The following LMF1 variants were observed in gnomAD, a reference collection of about 807,000 sequenced individuals.
LMF1 encodes the protein transmembrane protein 112.
A neutral mutation model predicts 60.6 loss-of-function variants in LMF1; 68 were observed. The observed-to-expected ratio is 1.12, with a 90% CI of 0.92 to 1.37. LMF1 has a LOEUF of 1.37. LMF1 is among the 40% of genes most tolerant of loss of function. LMF1 has a pLI of 0.00. For synonymous variants in LMF1, 418 were observed against 324.7 expected (o/e 1.29, Z -3.09); for missense variants, 948 against 767.2 (o/e 1.24, Z -2.78).
Position 857,132 on chromosome 16 carries a change from CGT to C in LMF1, c.1530-2428_1530-2427del, listed in dbSNP as rs575886223. ...CCTCGTCGCTGACCGGCGTCTGCGG[CGT>C]GAGTGCACCCTAGTTTGTGCGGTCG... is the stretch of plus-strand genomic sequence containing the variant. On this transcript the variant is annotated intron_variant, in intron 10 of 10. Coordinates refer to ENST00000262301, the MANE Select transcript of LMF1 (RefSeq NM_022773.4). 1.5e-3 allele frequency among the ~76,000 whole-genome samples: 233 copies of C among 152,386 alleles called. 1 individual carries two copies. The highest frequency in any genetic ancestry group is 5.3e-3 in the African/African-American group (220 of 41,590).
chr16:930,511 C>A (rs1366068444), intron 3 of LMF1, among the ~76,000 whole-genome samples: 1 of 151,996 alleles, frequency 6.6e-6, no homozygotes, highest in Non-Finnish European at 1.5e-5. Flanking sequence ...TGAGATTGCA[C>A]CACTGCACTC....
chr16:882,108 T>C (rs1000052884), intron 5 of LMF1, among the ~76,000 whole-genome samples: 1 of 152,192 alleles, frequency 6.6e-6, no homozygotes, highest in Non-Finnish European at 1.5e-5. Flanking sequence ...AGGGACACAG[T>C]GCGATGCCTT....
At chr16:871,536 C>A in intron 6 of LMF1, 195 bp from the exon 7 acceptor site, 1 of 604,674 alleles carries the variant, frequency 1.7e-6, no homozygotes, top group Non-Finnish European at 2.9e-6. Flanking sequence ...CTCAGAGGTG[C>A]CTTCCGGCAG....
intron 3 of LMF1, among the ~76,000 whole-genome samples, chr16:920,483 C>G (rs1366026777): frequency 6.6e-6 from 1 of 152,134 alleles, no homozygotes; most frequent in Non-Finnish European, 1.5e-5. Context: ...TGGCTGAGCT[C>G]AGCAGCAGAG....
At chr16:861,796 T>A (rs936156444) in intron 10 of LMF1, among the ~76,000 whole-genome samples, 7 of 152,226 alleles carry the variant, frequency 4.6e-5, no homozygotes, top group Admixed American at 2.0e-4. Flanking sequence ...CGTACTGCAG[T>A]GCCCAGCGCT....
chr16:972,384 C>T (rs922626506), upstream of LMF1, among the ~76,000 whole-genome samples: 12 of 152,328 alleles, frequency 7.9e-5, no homozygotes, highest in African/African-American at 1.9e-4. Context: ...CCTGAGGGCT[C>T]GGAGCCTTGG....
At chr16:963,158 C>T (rs549945923) in intron 1 of LMF1, among the ~76,000 whole-genome samples, 63 of 151,236 alleles carry the variant, frequency 4.2e-4, no homozygotes, top group Non-Finnish European at 7.2e-4. Context: ...AGAGGGGACT[C>T]GGGGTGGGTC....
Position 897,836 on chromosome 16 carries a change from T to C in LMF1, c.664-4764A>G, listed in dbSNP as rs2070706266. Among the ~76,000 whole-genome samples, 1 of 152,186 alleles carries C rather than the reference T, an allele frequency of 6.6e-6. No individual in the cohort carries two copies. The highest frequency in any genetic ancestry group is 1.5e-5 in the Non-Finnish European group (1 of 68,020). On this transcript the variant is annotated intron_variant, in intron 4 of 10. Transcript: ENST00000262301. The surrounding 1 kb of genome is among the most constrained non-coding windows in gnomAD (Gnocchi z 4.3). ...TGGCTCCGTGGCTTTCCTGTCTTCC[T>C]GGGATGGTTTCCGCACTTTCTTGCC...
At chr16:858,817 G>C (rs1220611840) in intron 10 of LMF1, among the ~76,000 whole-genome samples, 4 of 102,910 alleles carry the variant, frequency 3.9e-5, no homozygotes, top group African/African-American at 1.0e-4. Flanking sequence ...TCTCGGGACG[G>C]GTGTGAGTGG....
rs1265438612 is a variant in LMF1 at position 962,982 on chromosome 16, T to G, written c.193+7806A>C. Among the ~76,000 whole-genome samples, 2 of 151,958 alleles carry G rather than the reference T, an allele frequency of 1.3e-5. No individual in the cohort carries two copies. Among genetic ancestry groups the G allele is most frequent in the Non-Finnish European group, 2.9e-5 (2 of 67,990 alleles). On this transcript the variant is annotated intron_variant, in intron 1 of 10. Transcript: ENST00000262301. The surrounding 1 kb of genome is among the most constrained non-coding windows in gnomAD (Gnocchi z 4.5). ...GACGAAAGGGTCAGGGCTGGTGACC[T>G]CTAAAGGGGCTGCGACGGCAGGTGG...
intron 2 of LMF1, among the ~76,000 whole-genome samples, chr16:940,171 G>A (rs1221445179): frequency 6.6e-6 from 1 of 152,180 alleles, no homozygotes; most frequent in Admixed American, 6.5e-5. Context: ...GGAAGGGAAG[G>A]TCCCTCCTCC....
intron 5 of LMF1, among the ~76,000 whole-genome samples, chr16:885,571 G>A (rs981688503): frequency 2.6e-5 from 4 of 152,150 alleles, no homozygotes; most frequent in African/African-American, 9.7e-5. Flanking sequence ...CACGAGCGAC[G>A]AGAAGGCTGG....
intron 4 of LMF1, among the ~76,000 whole-genome samples, chr16:909,845 G>A (rs771296303): frequency 2.0e-5 from 3 of 152,248 alleles, no homozygotes; most frequent in Non-Finnish European, 4.4e-5. Context: ...GGAACGTTCC[G>A]GACTGAAGGA....
chr16:930,898 G>A (rs1179052048), intron 3 of LMF1, among the ~76,000 whole-genome samples: 1 of 152,126 alleles, frequency 6.6e-6, no homozygotes, highest in African/African-American at 2.4e-5. Flanking sequence ...AGGTGGGCGG[G>A]TTACCTGAGG....
intron 2 of LMF1, 122 bp downstream of exon 2, chr16:954,235 A>T: frequency 9.5e-7 from 1 of 1,048,246 alleles, no homozygotes; most frequent in Non-Finnish European, 1.4e-6. Context: ...AAATGACAAT[A>T]CCCTCCTGAA....
chr16:913,475 G>T (rs371058278), intron 3 of LMF1, among the ~76,000 whole-genome samples: 2 of 152,222 alleles, frequency 1.3e-5, no homozygotes, highest in Non-Finnish European at 2.9e-5. Context: ...CTGGCGCCTC[G>T]CCCGGTGCAC....
At chr16:959,483 A>G (rs1343716746) in intron 1 of LMF1, among the ~76,000 whole-genome samples, 3 of 152,216 alleles carry the variant, frequency 2.0e-5, no homozygotes, top group Non-Finnish European at 4.4e-5. Flanking sequence ...CAAAGCCCAC[A>G]GCACTGAGCA....
intron 10 of LMF1, among the ~76,000 whole-genome samples, chr16:865,357 C>A (rs925682443): frequency 6.6e-6 from 1 of 152,114 alleles, no homozygotes; most frequent in African/African-American, 2.4e-5. Context: ...CATGTCTTTT[C>A]TTTTTTCTTT....
In LMF1 at chr16:948,449, GACA is replaced by G. The variant is rs1262890957; in HGVS notation, c.503+5905_503+5907del. Reference sequence around the variant, plus strand: ...AGAGTCAGCCAACGACAGAGTCAGAGACAACGACAGAGTCAGAGACAATGACAG... The same window carrying G: ...AGAGTCAGCCAACGACAGAGTCAGAGACGACAGAGTCAGAGACAATGACAG... On this transcript the variant is annotated intron_variant, in intron 2 of 10. Transcript: ENST00000262301. Among the ~76,000 whole-genome samples, 11 of 151,402 alleles carry G rather than the reference GACA, an allele frequency of 7.3e-5. 1 individual carries two copies. The highest frequency in any genetic ancestry group is 2.7e-4 in the African/African-American group (11 of 41,172).
Sources: gnomAD v4.1 joint callset for allele counts (sites outside exome capture counted in the v4.1 genomes callset) on GRCh38, gnomAD v4.1.1 for gene constraint, Gnocchi (gnomAD v3.1) non-coding constraint, MANE v1.5 for transcripts, NCBI Gene and HGNC (gene_info 2026-07-23, HGNC 2026-07-21) for gene names.